ARHGAP29: variants seen among roughly 807,000 people sequenced by gnomAD.
The protein encoded by ARHGAP29 is Rho GTPase activating protein 29, also known as rho GTPase-activating protein 29.
In ARHGAP29, 43 loss-of-function variants were observed where a neutral mutation model predicts 122.6. The ratio of observed to expected loss-of-function variants is 0.35; its 90% CI spans 0.27 to 0.45. The LOEUF is 0.45. Ranked by LOEUF, ARHGAP29 falls within the 20% of genes least tolerant of loss-of-function variation. ARHGAP29 has a pLI of 1.00. For missense variants in ARHGAP29, 1,303 were observed against 1,477.2 expected (o/e 0.88, Z 1.93); for synonymous variants, 506 against 497.1 (o/e 1.02, Z -0.24).
At chr1:94,184,769 C>CAA in intron 18 of ARHGAP29, 103 bp downstream of exon 18, 2 of 1,010,102 alleles carry the variant, frequency 2.0e-6, no homozygotes, top group South Asian at 1.9e-5. Flanking sequence ...CAGAACAAAA[C>CAA]AAAAAAAACC....
the ARHGAP29 span, among the ~76,000 whole-genome samples, chr1:94,312,303 T>C: frequency 6.6e-6 from 1 of 151,942 alleles, no homozygotes; most frequent in South Asian, 2.1e-4. Flanking sequence ...CTTGACCTAT[T>C]AGCATTGTAC....
At chr1:94,211,266 G>A (rs1283037574) in intron 3 of ARHGAP29, among the ~76,000 whole-genome samples, 1 of 109,992 alleles carries the variant, frequency 9.1e-6, no homozygotes, top group Non-Finnish European at 1.7e-5. Context: ...CAGCCTGGGC[G>A]ACAGAGCAAG....
upstream of ARHGAP29, among the ~76,000 whole-genome samples, chr1:94,239,536 T>C (rs1653492175): frequency 6.7e-6 from 1 of 149,050 alleles, no homozygotes. Context: ...GAGAGACAAA[T>C]ATGTGAGAAG....
intron 8 of ARHGAP29, among the ~76,000 whole-genome samples, chr1:94,203,596 G>A (rs984733439): frequency 6.6e-6 from 1 of 152,030 alleles, no homozygotes; most frequent in African/African-American, 2.4e-5. Context: ...ATTAGCCAGG[G>A]CATGGTGGGC....
In ARHGAP29 at chr1:94,179,792, C is replaced by A. The variant is rs1553202782; in HGVS notation, c.2413G>T (p.Asp805Tyr). The change falls in exon 20 of 23, where the codon GAC (aspartate) becomes TAC (tyrosine). Residue 805 changes from aspartate (D) to tyrosine (Y), a missense_variant. Physicochemically the swap from Asp to Tyr is radical, Grantham distance 160 (BLOSUM62 -3). Coordinates refer to ENST00000260526, the MANE Select transcript of ARHGAP29 (RefSeq NM_004815.4). ...EINRILLKSK[D>Y]LLRQLPASNF... ...GATGCTGGCAATTGTCTTAGAAGGT[C>A]TTTGCTTTTTAGAAGAATTCGGTTT... is the stretch of plus-strand genomic sequence containing the variant. 6.2e-7 allele frequency: 1 copy of A among 1,613,468 alleles called. No homozygotes were observed. The highest frequency in any genetic ancestry group is 1.7e-5 in the Admixed American group (1 of 60,000).
At chr1:94,241,550 G>T (rs1653572175), upstream of ARHGAP29, among the ~76,000 whole-genome samples, 1 of 150,754 alleles carries the variant, frequency 6.6e-6, no homozygotes, top group Non-Finnish European at 1.5e-5. Flanking sequence ...CTGGGAGGTA[G>T]AGGTTGCAGT....
chr1:94,181,935 A>C (rs1204890558), intron 19 of ARHGAP29, among the ~76,000 whole-genome samples: 1 of 152,230 alleles, frequency 6.6e-6, no homozygotes, highest in African/African-American at 2.4e-5. Flanking sequence ...TAATAATTTA[A>C]AAATACTGAT....
intron 1 of ARHGAP29, among the ~76,000 whole-genome samples, chr1:94,256,720 G>A (rs1470251214): frequency 2.0e-5 from 3 of 150,628 alleles, no homozygotes; most frequent in Admixed American, 6.6e-5. Flanking sequence ...TACCACGCCC[G>A]GCTAATTTAT....
intron 1 of ARHGAP29, among the ~76,000 whole-genome samples, chr1:94,248,421 G>T (rs1383276538): frequency 7.2e-5 from 11 of 152,230 alleles, no homozygotes; most frequent in Non-Finnish European, 1.0e-4. Context: ...TATCATGTAT[G>T]GAGGAAAACA....
intron 2 of ARHGAP29, among the ~76,000 whole-genome samples, chr1:94,227,888 A>AT (rs1334106762): frequency 6.6e-6 from 1 of 151,812 alleles, no homozygotes; most frequent in Non-Finnish European, 1.5e-5. Context: ...GCATTTTCAT[A>AT]TAAGATAGAA....
chr1:94,207,915 A>C (rs1050030453), intron 5 of ARHGAP29, among the ~76,000 whole-genome samples: 1 of 151,794 alleles, frequency 6.6e-6, no homozygotes, highest in Non-Finnish European at 1.5e-5. Context: ...ATCACAGCTC[A>C]CTGCAGCCTT....
At chr1:94,260,146 A>C (rs945685687) in intron 1 of ARHGAP29, among the ~76,000 whole-genome samples, 19 of 152,154 alleles carry the variant, frequency 1.2e-4, no homozygotes, top group African/African-American at 4.6e-4. Flanking sequence ...AAAATCTGTT[A>C]TGCCTGGGAT....
chr1:94,169,107 T>C lies in ARHGAP29; in HGVS notation c.*4762A>G, dbSNP rs939197196. On this transcript the variant is annotated 3_prime_UTR_variant, in exon 23 of 23. Transcript: ENST00000260526. Reference sequence around the variant, plus strand: ...TTTCTATAAATTTCATAAATGTCTATGTTTAAACATTCCTGGTAAATATGT... The same window carrying C: ...TTTCTATAAATTTCATAAATGTCTACGTTTAAACATTCCTGGTAAATATGT... 3.9e-5 allele frequency among the ~76,000 whole-genome samples: 6 copies of C among 152,250 alleles called. No homozygotes were observed. The highest frequency in any genetic ancestry group is 1.9e-4 in the East Asian group (1 of 5,208).
rs1041641490 is a variant in ARHGAP29 at position 94,171,110 on chromosome 1, T to A, written c.*2759A>T. On this transcript the variant is annotated 3_prime_UTR_variant, in exon 23 of 23. Transcript: ENST00000260526. ...TTTAACAATATACAATGGTTGTCATTTAGAGAGATGTTTCCAGTTGTATAA... is the reference window on the plus strand; with the variant it reads ...TTTAACAATATACAATGGTTGTCATATAGAGAGATGTTTCCAGTTGTATAA... 6.6e-6 allele frequency among the ~76,000 whole-genome samples: 1 copy of A among 152,170 alleles called. No individual in the cohort carries two copies. The highest frequency in any genetic ancestry group is 1.5e-5 in the Non-Finnish European group (1 of 68,040).
upstream of ARHGAP29, among the ~76,000 whole-genome samples, chr1:94,242,129 T>C (rs962586018): frequency 2.0e-5 from 3 of 152,122 alleles, no homozygotes; most frequent in Non-Finnish European, 4.4e-5. Flanking sequence ...TGCACATGTA[T>C]ACAGCAAAAC....
At chr1:94,191,340 A>G (rs1650121940) in intron 12 of ARHGAP29, 1 of 152,182 alleles carries the variant, frequency 6.6e-6, no homozygotes, top group African/African-American at 2.4e-5. Context: ...ATGTTATTTC[A>G]AAGACTGCCA....
In ARHGAP29 at chr1:94,223,135, G is replaced by A. The variant is rs12409631; in HGVS notation, c.206-2743C>T. 2.1e-4 allele frequency among the ~76,000 whole-genome samples: 32 copies of A among 152,166 alleles called. 1 individual carries two copies. The highest frequency in any genetic ancestry group is 2.0e-3 in the Admixed American group (30 of 15,288). On this transcript the variant is annotated intron_variant, in intron 2 of 22. Transcript: ENST00000260526. Reference sequence around the variant, plus strand: ...ATTTTTTTGTATTTTTAGTAGAGACGGGGTTTCACTGTGTTAGCCAGGATG... The same window carrying A: ...ATTTTTTTGTATTTTTAGTAGAGACAGGGTTTCACTGTGTTAGCCAGGATG...
the ARHGAP29 span, among the ~76,000 whole-genome samples, chr1:94,281,227 T>C: frequency 6.6e-6 from 1 of 152,214 alleles, no homozygotes; most frequent in Non-Finnish European, 1.5e-5. Context: ...TTCACACATA[T>C]GCATTTGTAA....
chr1:94,238,603 C>T (rs1653448218), upstream of ARHGAP29, among the ~76,000 whole-genome samples: 2 of 151,588 alleles, frequency 1.3e-5, no homozygotes, highest in African/African-American at 2.4e-5. Flanking sequence ...CTGGGGTCTG[C>T]GAGAAAAATG....
Sources: gnomAD v4.1 joint callset for allele counts (sites outside exome capture counted in the v4.1 genomes callset) on GRCh38, gnomAD v4.1.1 for gene constraint, MANE v1.5 for transcripts, NCBI Gene and HGNC (gene_info 2026-07-23, HGNC 2026-07-21) for gene names.